The following B3GALT1 variants were observed in gnomAD, a reference collection of about 807,000 sequenced individuals.
B3GALT1 encodes UDP-Gal:betaGlcNAc beta 1,3-galactosyltransferase, polypeptide 1.
A neutral mutation model predicts 23.2 loss-of-function variants in B3GALT1; 10 were observed. That is an observed-to-expected ratio of 0.43 (90% CI 0.27 to 0.73). The LOEUF (loss-of-function observed/expected upper bound fraction) is 0.73. B3GALT1 is among the 30% of genes least tolerant of loss of function. The pLI is 0.21. For missense variants in B3GALT1, 299 were observed against 405.4 expected, an observed-to-expected ratio of 0.74 and a Z score of 2.25; for synonymous variants, 156 against 141.5, an observed-to-expected ratio of 1.10 and a Z score of -0.73.
At position 167,854,847 on chromosome 2, in the gene B3GALT1, AGAGCCTTCT is replaced by A. The variant is rs1689969490; in HGVS notation, c.-229-13961_-229-13953del. 4.6e-5 allele frequency among the ~76,000 whole-genome samples: 7 copies of A among 152,326 alleles called. No individual in the cohort carries two copies. The South Asian group carries it at 1.5e-3, about 32-fold the overall frequency. ...CATAGTCACATCGCTAGTAAGGGGC[AGAGCCTTCT>A]GATGCCATCTCTTAAGTTCTTCCCA... is the stretch of plus-strand genomic sequence containing the variant. On this transcript the variant is annotated intron_variant, in intron 4 of 4. Coordinates refer to ENST00000392690, the MANE Select transcript of B3GALT1 (RefSeq NM_020981.4).
At chr2:167,412,502 T>C (rs888205962) in intron 1 of B3GALT1, among the ~76,000 whole-genome samples, 6 of 152,136 alleles carry the variant, frequency 3.9e-5, no homozygotes, top group Non-Finnish European at 8.8e-5. Context: ...AATATGACAA[T>C]ATATTCAACT....
At chr2:167,540,353 A>G (rs962778815) in intron 2 of B3GALT1, among the ~76,000 whole-genome samples, 1 of 152,180 alleles carries the variant, frequency 6.6e-6, no homozygotes, top group African/African-American at 2.4e-5. Flanking sequence ...GGAGACAGGA[A>G]AATCTCAGGC....
chr2:167,642,629 C>T (rs2105456616), intron 2 of B3GALT1, among the ~76,000 whole-genome samples: 1 of 152,280 alleles, frequency 6.6e-6, no homozygotes, highest in East Asian at 1.9e-4. Flanking sequence ...ATAATCCCAG[C>T]ACTTTGGCAC....
chr2:167,377,098 CAA>C (rs1697777810), intron 1 of B3GALT1, among the ~76,000 whole-genome samples: 1 of 151,964 alleles, frequency 6.6e-6, no homozygotes, highest in African/African-American at 2.4e-5. Flanking sequence ...GTTGTTTACC[CAA>C]GTCATTCAAG....
chr2:167,359,575 C>G (rs112471384), intron 1 of B3GALT1, among the ~76,000 whole-genome samples: 38 of 152,316 alleles, frequency 2.5e-4, no homozygotes, highest in African/African-American at 7.7e-4. Context: ...TACCTATGGG[C>G]AGCAGCTAAG....
At position 167,608,665 on chromosome 2, in the gene B3GALT1, A is replaced by G. The variant is rs924652547; in HGVS notation, c.-409-38244A>G. ...TGATCCAATATTTGTTAAGGTACAT[A>G]TGGACTTTTGTTTCTGACCTTCACA... On this transcript the variant is annotated intron_variant, in intron 2 of 4. Transcript: ENST00000392690. 2.6e-5 allele frequency among the ~76,000 whole-genome samples: 4 copies of G among 152,196 alleles called. No individual in the cohort carries two copies. The East Asian group carries it at 7.7e-4, about 29-fold the overall frequency.
At chr2:167,345,149 T>G (rs1697208814) in intron 1 of B3GALT1, among the ~76,000 whole-genome samples, 1 of 152,168 alleles carries the variant, frequency 6.6e-6, no homozygotes, top group African/African-American at 2.4e-5. Context: ...AGAATGATTG[T>G]CTCTGAGGAA....
intron 2 of B3GALT1, among the ~76,000 whole-genome samples, chr2:167,641,262 C>G (rs966630389): frequency 6.6e-6 from 1 of 152,128 alleles, no homozygotes; most frequent in Non-Finnish European, 1.5e-5. Flanking sequence ...CATGTCTATA[C>G]CTGATATCTG....
intron 1 of B3GALT1, among the ~76,000 whole-genome samples, chr2:167,369,945 A>G (rs1697655101): frequency 1.3e-5 from 2 of 152,192 alleles, no homozygotes; most frequent in South Asian, 4.1e-4. Flanking sequence ...GTTCCAGGTC[A>G]ATTAAATATA....
intron 1 of B3GALT1, among the ~76,000 whole-genome samples, chr2:167,444,691 T>TA (rs1180303517): frequency 2.0e-5 from 3 of 152,218 alleles, no homozygotes; most frequent in Admixed American, 2.0e-4. Context: ...TAGTTTGTAT[T>TA]ACTGTGGGAT....
chr2:167,515,919 A>G (rs2105357895), intron 2 of B3GALT1, among the ~76,000 whole-genome samples: 1 of 152,254 alleles, frequency 6.6e-6, no homozygotes, highest in East Asian at 1.9e-4. Context: ...TTAGGTCACA[A>G]CACAAACCTT....
chr2:167,535,011 G>C (rs1361836406), intron 2 of B3GALT1, among the ~76,000 whole-genome samples: 1 of 152,144 alleles, frequency 6.6e-6, no homozygotes, highest in Non-Finnish European at 1.5e-5. Context: ...AAGCTAGCAG[G>C]TGGCAGAGCC....
chr2:167,869,625 A>G lies in B3GALT1; in HGVS notation c.586A>G (p.Thr196Ala), dbSNP rs1214269853. 4.3e-6 allele frequency: 7 copies of G among 1,614,052 alleles called. No individual in the cohort carries two copies. Among genetic ancestry groups the G allele is most frequent in the Non-Finnish European group, 5.9e-6 (7 of 1,180,046 alleles). The change falls in exon 5 of 5, where the codon ACC becomes GCC. Residue 196 changes from threonine to alanine, a missense_variant. By Grantham distance (58) the Thr-to-Ala change is moderately conservative. This residue lies in a region of B3GALT1 where 133 missense variants were observed against 204.8 expected (regional missense o/e 0.65). Coordinates refer to ENST00000392690, the MANE Select transcript of B3GALT1 (RefSeq NM_020981.4). The surrounding 1 kb of genome is among the most constrained non-coding windows in gnomAD (Gnocchi z 6.4). ...TATTTATAAATTACTGAAACCCTCC[A>G]CCAAGCCACGAAGAAGGTATTTTAC... is the stretch of plus-strand genomic sequence containing the variant. ...NLIYKLLKPS[T>A]KPRRRYFTGY...
intron 2 of B3GALT1, among the ~76,000 whole-genome samples, chr2:167,613,249 T>A (rs1304334872): frequency 6.6e-6 from 1 of 151,914 alleles, no homozygotes; most frequent in African/African-American, 2.4e-5. Flanking sequence ...AGGATTATTT[T>A]ATAATATAAG....
chr2:167,409,228 T>C (rs1698356015), intron 1 of B3GALT1, among the ~76,000 whole-genome samples: 5 of 152,186 alleles, frequency 3.3e-5, no homozygotes, highest in African/African-American at 1.2e-4. Context: ...ATTATGTGTC[T>C]TGGGGTTGCT....
chr2:167,508,644 C>T (rs1009237871), intron 2 of B3GALT1, among the ~76,000 whole-genome samples: 33 of 151,934 alleles, frequency 2.2e-4, no homozygotes, highest in Middle Eastern at 3.4e-3. Flanking sequence ...GTTTCTAATA[C>T]TCAAATTTTG....
intron 2 of B3GALT1, among the ~76,000 whole-genome samples, chr2:167,639,672 A>C (rs1685619078): frequency 6.6e-6 from 1 of 152,096 alleles, no homozygotes; most frequent in South Asian, 2.1e-4. Context: ...TACTCATGCA[A>C]ATAAAGTAAC....
chr2:167,626,002 A>G (rs1685336711), intron 2 of B3GALT1, among the ~76,000 whole-genome samples: 1 of 141,622 alleles, frequency 7.1e-6, no homozygotes, highest in African/African-American at 2.7e-5. Flanking sequence ...AAGCCACAGC[A>G]ATATTTGCTG....
intron 4 of B3GALT1, among the ~76,000 whole-genome samples, chr2:167,837,673 G>A (rs540630246): frequency 0.048 from 7,027 of 147,460 alleles, 175 homozygotes; most frequent in African/African-American, 0.091. Context: ...TGCACCAAGC[G>A]GACCTAATAG....
Sources: gnomAD v4.1 joint callset for allele counts (sites outside exome capture counted in the v4.1 genomes callset) on GRCh38, gnomAD v4.1.1 for gene constraint, gnomAD v4.1.1 regional missense constraint, Gnocchi (gnomAD v3.1) non-coding constraint, MANE v1.5 for transcripts, NCBI Gene and HGNC (gene_info 2026-07-23, HGNC 2026-07-21) for gene names.